Variants in ZNF267 observed in about 807,000 individuals in gnomAD.
The protein encoded by ZNF267 is zinc finger (C2H2).
In ZNF267, 61 loss-of-function variants were observed where a neutral mutation model predicts 71.6. The ratio of observed to expected loss-of-function variants is 0.85; its 90% CI spans 0.69 to 1.05. The LOEUF (loss-of-function observed/expected upper bound fraction) is 1.05, where lower values mean the gene tolerates loss of function less well. Ranked by LOEUF, ZNF267 falls within the 50% of genes least tolerant of loss-of-function variation. The pLI is 0.00. For synonymous variants in ZNF267, 288 were observed against 293.2 expected (o/e 0.98, Z 0.18); for missense variants, 852 against 870.0 (o/e 0.98, Z 0.26).
At chr16:31,891,864 A>C (rs957591207) in intron 3 of ZNF267, among the ~76,000 whole-genome samples, 1 of 152,216 alleles carries the variant, frequency 6.6e-6, no homozygotes, top group Non-Finnish European at 1.5e-5. Flanking sequence ...TGCTGAAAAG[A>C]TAGATACCTG....
chr16:31,911,780 G>A (rs1242436093), intron 3 of ZNF267: 2 of 148,696 alleles, frequency 1.3e-5, no homozygotes, highest in African/African-American at 5.0e-5. Flanking sequence ...TTTTCTTGGT[G>A]GTATGATTTA....
At chr16:31,898,285 C>T (rs978865543) in intron 3 of ZNF267, among the ~76,000 whole-genome samples, 1 of 152,008 alleles carries the variant, frequency 6.6e-6, no homozygotes, top group Non-Finnish European at 1.5e-5. Flanking sequence ...TAGTATTTTA[C>T]TTTGCATTTA....
At chr16:31,904,802 T>C (rs1277869939) in intron 3 of ZNF267, among the ~76,000 whole-genome samples, 17 of 152,218 alleles carry the variant, frequency 1.1e-4, no homozygotes, top group Non-Finnish European at 2.1e-4. Context: ...GTTAATATTC[T>C]TATGTGTGAA....
chr16:31,887,762 C>A (rs1204186505), intron 3 of ZNF267, among the ~76,000 whole-genome samples: 1 of 152,068 alleles, frequency 6.6e-6, no homozygotes, highest in Non-Finnish European at 1.5e-5. Context: ...ACGTCAGTAC[C>A]ATACTCTTGA....
chr16:31,909,411 G>T (rs1250885113), intron 3 of ZNF267, among the ~76,000 whole-genome samples: 2 of 152,084 alleles, frequency 1.3e-5, no homozygotes, highest in Non-Finnish European at 1.5e-5. Flanking sequence ...GGGATTACAG[G>T]TGTGAGCCAC....
intron 3 of ZNF267, among the ~76,000 whole-genome samples, chr16:31,891,121 A>G (rs906193539): frequency 4.0e-5 from 6 of 151,870 alleles, no homozygotes; most frequent in African/African-American, 1.5e-4. Context: ...TTTTTCCTAG[A>G]GGTTATCAGG....
intron 3 of ZNF267, among the ~76,000 whole-genome samples, chr16:31,908,648 T>C (rs1005849400): frequency 1.3e-5 from 2 of 152,284 alleles, no homozygotes; most frequent in African/African-American, 4.8e-5. Context: ...CCAGTTTTTT[T>C]TTAGCACTGG....
intron 3 of ZNF267, among the ~76,000 whole-genome samples, chr16:31,891,322 CTTTTA>C (rs2083958822): frequency 6.6e-6 from 1 of 151,946 alleles, no homozygotes; most frequent in South Asian, 2.1e-4. Flanking sequence ...TATTTTAATG[CTTTTA>C]TTTTGTAGCT....
chr16:31,916,026 G>A lies in ZNF267; in HGVS notation c.1777G>A (p.Val593Met). Residue 593 changes from valine (V) to methionine (M), a missense_variant, in exon 4 of 4, where the codon GTG becomes ATG. Val to Met is a conservative substitution (Grantham distance 21). Coordinates refer to ENST00000300870, the MANE Select transcript of ZNF267 (RefSeq NM_003414.6). Reference sequence around the variant, plus strand: ...TTTTAGTGACTCCTCAGGTCTTACTGTGCATCGGCGAACTCATACTGGAGA... The same window carrying A: ...TTTTAGTGACTCCTCAGGTCTTACTATGCATCGGCGAACTCATACTGGAGA... The part of the protein sequence containing the change: ...KSFSDSSGLT[V>M]HRRTHTGEKP... 1 of 1,613,690 alleles carries A rather than the reference G, an allele frequency of 6.2e-7. No homozygotes were observed. The highest frequency in any genetic ancestry group is 8.5e-7 in the Non-Finnish European group (1 of 1,179,940).
At chr16:31,874,509 AACCG>A (rs1394705247) in intron 1 of ZNF267, among the ~76,000 whole-genome samples, 2 of 152,244 alleles carry the variant, frequency 1.3e-5, no homozygotes, top group Non-Finnish European at 2.9e-5. Context: ...AGACCAAATT[AACCG>A]ATGGGTTACA....
Position 31,914,571 on chromosome 16 carries a change from C to G in ZNF267, c.322C>G (p.Leu108Val). The G allele has an allele frequency of 1.9e-6, 3 of 1,614,048 alleles. No homozygotes were observed. Among genetic ancestry groups the G allele is most frequent in the Non-Finnish European group, 2.5e-6 (3 of 1,180,014 alleles). The change falls in exon 4 of 4, where the codon CTT becomes GTT. Residue 108 changes from leucine (L) to valine (V), a missense_variant. By Grantham distance (32) the Leu-to-Val change is conservative (BLOSUM62 1). Coordinates refer to ENST00000300870, the MANE Select transcript of ZNF267 (RefSeq NM_003414.6). ...ATCGAGGAGACATGGGAGCTGTGAT[C>G]TTGAGAATTTACATTTAAGAAAAAG... ...VISRRHGSCD[L>V]ENLHLRKRWK...
rs1291868141 is a variant in ZNF267, at chr16:31,885,215, C to T, written c.185C>T (p.Pro62Leu). ...LITFLEQRKE[P>L]WNVKSEETVA... ...ACCTTTTTGGAACAAAGGAAAGAGC[C>T]TTGGAATGTGAAGAGTGAGGAGACA... is the stretch of plus-strand genomic sequence containing the variant. Residue 62 changes from proline (P) to leucine (L), a missense_variant, in exon 3 of 4, where the codon CCT (proline) becomes CTT (leucine). Coordinates refer to ENST00000300870, the MANE Select transcript of ZNF267 (RefSeq NM_003414.6). 1.2e-6 allele frequency: 2 copies of T among 1,609,790 alleles called. No individual in the cohort carries two copies. The highest frequency in any genetic ancestry group is 1.7e-5 in the Admixed American group (1 of 59,948).
intron 3 of ZNF267, among the ~76,000 whole-genome samples, chr16:31,903,967 A>G (rs574889802): frequency 3.9e-5 from 6 of 152,306 alleles, no homozygotes; most frequent in African/African-American, 1.4e-4. Flanking sequence ...AATGTGTCCC[A>G]GAGATTCTGG....
Position 31,915,311 on chromosome 16 carries a change from A to G in ZNF267, c.1062A>G (p.Glu354=). Residue 354 remains glutamate, a synonymous_variant, in exon 4 of 4, where the codon GAA becomes GAG. Coordinates refer to ENST00000300870, the MANE Select transcript of ZNF267 (RefSeq NM_003414.6). Reference sequence around the variant, plus strand: ...AAGAGAAACCCTGTAAATGGAAAGAATGTGGCAAGGTCTTTAACCTTAACT... The same window carrying G: ...AAGAGAAACCCTGTAAATGGAAAGAGTGTGGCAAGGTCTTTAACCTTAACT... ...PTEEKPCKWK[E]CGKVFNLNCS... 2 of 1,613,980 alleles carry G rather than the reference A, an allele frequency of 1.2e-6. No individual in the cohort carries two copies. The highest frequency in any genetic ancestry group is 1.7e-6 in the Non-Finnish European group (2 of 1,179,930).
At chr16:31,909,120 C>CTTTTTTTTTTTTTTTTTTTTTT (rs34409182) in intron 3 of ZNF267, among the ~76,000 whole-genome samples, 42 of 45,328 alleles carry the variant, frequency 9.3e-4, no homozygotes, top group Non-Finnish European at 1.3e-3. Flanking sequence ...CTTTTCTTTT[C>CTTTTTTTTTTTTTTTTTTTTTT]TTTTTTTTTT....
At chr16:31,881,876 G>T (rs2083892982) in intron 1 of ZNF267, among the ~76,000 whole-genome samples, 2 of 151,956 alleles carry the variant, frequency 1.3e-5, no homozygotes, top group African/African-American at 4.8e-5. Flanking sequence ...TGTTGACCAG[G>T]CTGATCTTGA....
At chr16:31,877,655 A>C (rs1209499874) in intron 1 of ZNF267, among the ~76,000 whole-genome samples, 1 of 152,080 alleles carries the variant, frequency 6.6e-6, no homozygotes, top group African/African-American at 2.4e-5. Flanking sequence ...TCAGAAGGGG[A>C]ATTTGGAGAG....
intron 3 of ZNF267, among the ~76,000 whole-genome samples, chr16:31,892,756 T>TCA (rs2083969879): frequency 6.6e-6 from 1 of 152,238 alleles, no homozygotes; most frequent in Non-Finnish European, 1.5e-5. Flanking sequence ...ACTCCATGTC[T>TCA]CACATCCAGG....
intron 2 of ZNF267, 150 bp from the exon 3 acceptor site, chr16:31,885,011 T>A (rs758298474): frequency 7.4e-6 from 4 of 538,228 alleles, no homozygotes; most frequent in Non-Finnish European, 1.2e-5. Flanking sequence ...GAAATACTTT[T>A]CAAGAATCTT....
Sources: allele counts gnomAD v4.1 joint callset (sites outside exome capture counted in the v4.1 genomes callset), GRCh38; gene constraint gnomAD v4.1.1; transcripts MANE v1.5; gene names NCBI Gene and HGNC (gene_info 2026-07-23, HGNC 2026-07-21).